The following GPR45 variants were observed in gnomAD, a reference collection of about 807,000 sequenced individuals.
GPR45 encodes probable G protein-coupled receptor 45.
Under a neutral mutation model 5.9 loss-of-function variants are expected in GPR45, and 7 were observed. The observed-to-expected ratio is 1.19, with a 90% CI of 0.68 to 2.23. The LOEUF (loss-of-function observed/expected upper bound fraction) is 2.23. Ranked by LOEUF, GPR45 falls within the 30% of genes most tolerant of loss-of-function variation. The pLI is 0.00. For missense variants in GPR45, 440 were observed against 496.9 expected, an observed-to-expected ratio of 0.89 and a Z score of 1.09; for synonymous variants, 220 against 226.3, an observed-to-expected ratio of 0.97 and a Z score of 0.25.
At position 105,241,973 on chromosome 2, in the gene GPR45, A is replaced by G; in HGVS notation, c.115A>G (p.Ile39Val). Residue 39 changes from isoleucine (I) to valine (V), a missense_variant, in exon 1 of 1, where the codon ATA becomes GTA. By Grantham distance (29) the Ile-to-Val change is conservative (BLOSUM62 3). Coordinates refer to ENST00000258456, the MANE Select transcript of GPR45 (RefSeq NM_007227.3). ...LPAPLRISLA[I>V]VMLLMTVVGF... is the part of the protein sequence containing the mutation. ...CGCACCCCTCAGGATCTCCTTGGCC[A>G]TAGTGATGCTGCTGATGACCGTGGT... The G allele has an allele frequency of 6.2e-7, 1 of 1,613,888 alleles. No homozygotes were observed. The highest frequency in any genetic ancestry group is 8.5e-7 in the Non-Finnish European group (1 of 1,179,802).
In GPR45 at chr2:105,242,465, G is replaced by C. The variant is rs560190604; in HGVS notation, c.607G>C (p.Val203Leu). Residue 203 changes from valine (V) to leucine (L), a missense_variant, in exon 1 of 1, where the codon GTG becomes CTG. Coordinates refer to ENST00000258456, the MANE Select transcript of GPR45 (RefSeq NM_007227.3). The surrounding 1 kb of genome is among the most constrained non-coding windows in gnomAD (Gnocchi z 4.8). ...RAYVVTLVVA[V>L]FFAPFGVMLC... is the part of the protein sequence containing the mutation. ...CTACGTGGTCACCTTGGTGGTGGCC[G>C]TGTTCTTCGCGCCCTTTGGCGTCAT... 1.2e-6 allele frequency: 2 copies of C among 1,606,756 alleles called. No individual in the cohort carries two copies. Among genetic ancestry groups the C allele is most frequent in the Middle Eastern group, 1.6e-4 (1 of 6,062 alleles).
Position 105,241,790 on chromosome 2 carries a change from G to A in GPR45, c.-69G>A. 1.3e-6 allele frequency: 2 copies of A among 1,491,914 alleles called. No homozygotes were observed. The highest frequency in any genetic ancestry group is 1.8e-6 in the Non-Finnish European group (2 of 1,114,528). 92.4% of individuals were successfully genotyped at this position (1,491,914 alleles called of 1,614,324 possible). A position where few individuals can be genotyped will look rare whatever the true frequency, so the allele number is the denominator to read the frequency against. ...AAGATGCAGCCAGCAGACAAAGAATGGCAGCCACCCAAGTGCTGAGGGGAG... is the reference window on the plus strand; with the variant it reads ...AAGATGCAGCCAGCAGACAAAGAATAGCAGCCACCCAAGTGCTGAGGGGAG... On this transcript the variant is annotated 5_prime_UTR_variant, in exon 1 of 1. The change abolishes an upstream ATG in the 5' untranslated region. Transcript: ENST00000258456.
chr2:105,242,357 C>G lies in GPR45; in HGVS notation c.499C>G (p.Leu167Val). ...GTCCTTCTGCATCGCGGGGCCCTCGCTCACGGGCTGGACGCTGGTGGAGGT... is the reference window on the plus strand; with the variant it reads ...GTCCTTCTGCATCGCGGGGCCCTCGGTCACGGGCTGGACGCTGGTGGAGGT... ...VLSFCIAGPS[L>V]TGWTLVEVPA... Residue 167 changes from leucine (L) to valine (V), a missense_variant, in exon 1 of 1, where the codon CTC (leucine) becomes GTC (valine). Physicochemically the swap from Leu to Val is conservative, Grantham distance 32. Transcript: ENST00000258456. The surrounding 1 kb of genome is among the most constrained non-coding windows in gnomAD (Gnocchi z 4.8). 1 of 1,613,400 alleles carries G rather than the reference C, an allele frequency of 6.2e-7. No homozygotes were observed. Among genetic ancestry groups the G allele is most frequent in the Non-Finnish European group, 8.5e-7 (1 of 1,179,876 alleles).
Position 105,243,002 on chromosome 2 carries a change from G to T in GPR45, c.*25G>T. 5 of 1,602,824 alleles carry T rather than the reference G, an allele frequency of 3.1e-6. No homozygotes were observed. Among genetic ancestry groups the T allele is most frequent in the Non-Finnish European group, 3.4e-6 (4 of 1,173,144 alleles). ...GGGGGTCAGGGGGCCACAGAGAAGG[G>T]GCAGCTGAGCCCCAGTCCCAGGGTG... On this transcript the variant is annotated 3_prime_UTR_variant, in exon 1 of 1. Coordinates refer to ENST00000258456, the MANE Select transcript of GPR45 (RefSeq NM_007227.3).
Position 105,242,155 on chromosome 2 carries a change from C to T in GPR45, c.297C>T (p.Arg99=). Residue 99 remains arginine (R), a synonymous_variant, in exon 1 of 1, where the codon CGC becomes CGT. Transcript: ENST00000258456. This position sits in a 1 kb window ranked among gnomAD's most constrained non-coding sequence, Gnocchi z 4.8. ...PFTAVTLITV[R]WHFGDHFCRL... ...CCGCCGTCACCCTCATCACCGTGCGCTGGCACTTTGGGGACCACTTCTGCC... is the reference window on the plus strand; with the variant it reads ...CCGCCGTCACCCTCATCACCGTGCGTTGGCACTTTGGGGACCACTTCTGCC... 12 of 1,614,190 alleles carry T rather than the reference C, an allele frequency of 7.4e-6. No homozygotes were observed. The highest frequency in any genetic ancestry group is 1.0e-5 in the Non-Finnish European group (12 of 1,180,054).
chr2:105,242,894 C>T lies in GPR45; in HGVS notation c.1036C>T (p.Leu346Phe). 6.2e-7 allele frequency: 1 copy of T among 1,614,206 alleles called. No individual in the cohort carries two copies. Among genetic ancestry groups the T allele is most frequent in the South Asian group, 1.1e-5 (1 of 91,082 alleles). ...IELLPQTFQI[L>F]PKVPERIRRR... ...GTTGCTGCCCCAGACCTTCCAAATCCTCCCCAAAGTGCCTGAGCGGATCCG... is the reference window on the plus strand; with the variant it reads ...GTTGCTGCCCCAGACCTTCCAAATCTTCCCCAAAGTGCCTGAGCGGATCCG... Residue 346 changes from leucine to phenylalanine, a missense_variant, in exon 1 of 1, where the codon CTC (leucine) becomes TTC (phenylalanine). By Grantham distance (22) the Leu-to-Phe change is conservative. Coordinates refer to ENST00000258456, the MANE Select transcript of GPR45 (RefSeq NM_007227.3). The surrounding 1 kb of genome is among the most constrained non-coding windows in gnomAD (Gnocchi z 4.8).
In GPR45 at chr2:105,242,363, G is replaced by A; in HGVS notation, c.505G>A (p.Gly169Ser). 6.2e-7 allele frequency: 1 copy of A among 1,613,232 alleles called. No homozygotes were observed. Residue 169 changes from glycine (G) to serine (S), a missense_variant, in exon 1 of 1, where the codon GGC (glycine) becomes AGC (serine). Transcript: ENST00000258456. This position sits in a 1 kb window ranked among gnomAD's most constrained non-coding sequence, Gnocchi z 4.8. Reference sequence around the variant, plus strand: ...CTGCATCGCGGGGCCCTCGCTCACGGGCTGGACGCTGGTGGAGGTGCCGGC... The same window carrying A: ...CTGCATCGCGGGGCCCTCGCTCACGAGCTGGACGCTGGTGGAGGTGCCGGC... The part of the protein sequence containing the change: ...SFCIAGPSLT[G>S]WTLVEVPARA...
In GPR45 at chr2:105,243,413, T is replaced by C. The variant is rs909461048; in HGVS notation, c.*436T>C. 2.0e-5 allele frequency among the ~76,000 whole-genome samples: 3 copies of C among 152,112 alleles called. No individual in the cohort carries two copies. The highest frequency in any genetic ancestry group is 7.2e-5 in the African/African-American group (3 of 41,416). The stretch of plus-strand genomic sequence containing the variant: ...ACCCCAGTAGGTGTGAGCTCCTGGG[T>C]GTTCATTCATTTTGTTTGACACCAG... On this transcript the variant is annotated 3_prime_UTR_variant, in exon 1 of 1. Coordinates refer to ENST00000258456, the MANE Select transcript of GPR45 (RefSeq NM_007227.3).
chr2:105,242,511 T>C lies in GPR45; in HGVS notation c.653T>C (p.Ile218Thr), dbSNP rs1231098574. 1.9e-6 allele frequency: 3 copies of C among 1,605,706 alleles called. No individual in the cohort carries two copies. The highest frequency in any genetic ancestry group is 2.5e-6 in the Non-Finnish European group (3 of 1,179,864). Residue 218 changes from isoleucine (I) to threonine (T), a missense_variant, in exon 1 of 1, where the codon ATC becomes ACC. Coordinates refer to ENST00000258456, the MANE Select transcript of GPR45 (RefSeq NM_007227.3). This position sits in a 1 kb window ranked among gnomAD's most constrained non-coding sequence, Gnocchi z 4.8. ...GTCATGCTGTGCGCCTACATGTGCA[T>C]CCTCAACACGGTCCGCAAGAACGCC... is the stretch of plus-strand genomic sequence containing the variant. ...FGVMLCAYMCILNTVRKNAVR... is the reference protein window; with the variant it reads ...FGVMLCAYMCTLNTVRKNAVR...
rs770051507 is a variant in GPR45, at chr2:105,242,134, C to T, written c.276C>T (p.Ala92=). Residue 92 remains alanine (A), a synonymous_variant, in exon 1 of 1, where the codon GCC becomes GCT. Coordinates refer to ENST00000258456, the MANE Select transcript of GPR45 (RefSeq NM_007227.3). This position sits in a 1 kb window ranked among gnomAD's most constrained non-coding sequence, Gnocchi z 4.8. ...CCCTCTGCTGCATGCCCTTCACCGC[C>T]GTCACCCTCATCACCGTGCGCTGGC... is the stretch of plus-strand genomic sequence containing the variant. The part of the protein sequence containing the change: ...MLSLCCMPFT[A]VTLITVRWHF... 1 of 1,614,190 alleles carries T rather than the reference C, an allele frequency of 6.2e-7. No individual in the cohort carries two copies. The highest frequency in any genetic ancestry group is 8.5e-7 in the Non-Finnish European group (1 of 1,180,050).
chr2:105,242,752 C>G lies in GPR45; in HGVS notation c.894C>G (p.Cys298Trp), dbSNP rs375629461. ...LLSVFSQRFY[C>W]GSSFYATSTC... Reference sequence around the variant, plus strand: ...CTGTGTTTAGCCAGCGCTTTTACTGCGGTTCCTCCTTCTACGCCACCAGCA... The same window carrying G: ...CTGTGTTTAGCCAGCGCTTTTACTGGGGTTCCTCCTTCTACGCCACCAGCA... Residue 298 changes from cysteine to tryptophan, a missense_variant, in exon 1 of 1, where the codon TGC becomes TGG. Physicochemically the swap from Cys to Trp is radical, Grantham distance 215. Coordinates refer to ENST00000258456, the MANE Select transcript of GPR45 (RefSeq NM_007227.3). The surrounding 1 kb of genome is among the most constrained non-coding windows in gnomAD (Gnocchi z 4.8). The G allele has an allele frequency of 6.2e-7, 1 of 1,613,944 alleles. No homozygotes were observed. The highest frequency in any genetic ancestry group is 1.3e-5 in the African/African-American group (1 of 74,944).
Position 105,241,795 on chromosome 2 carries a change from C to T in GPR45, c.-64C>T. On this transcript the variant is annotated 5_prime_UTR_variant, in exon 1 of 1. Transcript: ENST00000258456. ...GCAGCCAGCAGACAAAGAATGGCAG[C>T]CACCCAAGTGCTGAGGGGAGCCCTC... 1 of 1,499,440 alleles carries T rather than the reference C, an allele frequency of 6.7e-7. No individual in the cohort carries two copies. 92.9% of individuals were successfully genotyped at this position (1,499,440 alleles called of 1,614,324 possible).
chr2:105,242,929 C>A lies in GPR45; in HGVS notation c.1071C>A (p.Ile357=). 4 of 1,614,228 alleles carry A rather than the reference C, an allele frequency of 2.5e-6. No homozygotes were observed. The highest frequency in any genetic ancestry group is 3.4e-6 in the Non-Finnish European group (4 of 1,180,054). ...TGCCTGAGCGGATCCGAAGGAGAAT[C>A]CAGCCAAGCACAGTCTACGTGTGCA... ...PKVPERIRRR[I]QPSTVYVCNE... Residue 357 remains isoleucine (I), a synonymous_variant, in exon 1 of 1, where the codon ATC becomes ATA. Transcript: ENST00000258456. The surrounding 1 kb of genome is among the most constrained non-coding windows in gnomAD (Gnocchi z 4.8).
In GPR45 at chr2:105,242,863, C is replaced by A; in HGVS notation, c.1005C>A (p.Cys335Ter). ...CWRIKKFREA[C>*]IELLPQTFQI... ...GAATCAAAAAATTCCGCGAGGCCTG[C>A]ATAGAGTTGCTGCCCCAGACCTTCC... The change falls in exon 1 of 1, where the codon TGC (cysteine) becomes TGA (stop). Residue 335 changes from cysteine to a stop codon, truncating the protein, a stop_gained. Coordinates refer to ENST00000258456, the MANE Select transcript of GPR45 (RefSeq NM_007227.3). LOFTEE classifies it high-confidence loss of function. The surrounding 1 kb of genome is among the most constrained non-coding windows in gnomAD (Gnocchi z 4.8). 1 of 1,614,216 alleles carries A rather than the reference C, an allele frequency of 6.2e-7. No homozygotes were observed. Among genetic ancestry groups the A allele is most frequent in the Non-Finnish European group, 8.5e-7 (1 of 1,180,022 alleles).
Position 105,242,942 on chromosome 2 carries a change from G to A in GPR45, c.1084G>A (p.Val362Ile). The change falls in exon 1 of 1, where the codon GTC becomes ATC. Residue 362 changes from valine to isoleucine, a missense_variant. By Grantham distance (29) the Val-to-Ile change is conservative. Transcript: ENST00000258456. This position sits in a 1 kb window ranked among gnomAD's most constrained non-coding sequence, Gnocchi z 4.8. ...RIRRRIQPST[V>I]YVCNENQSAV ...CCGAAGGAGAATCCAGCCAAGCACA[G>A]TCTACGTGTGCAATGAAAACCAGTC... 6.2e-7 allele frequency: 1 copy of A among 1,614,204 alleles called. No homozygotes were observed. Among genetic ancestry groups the A allele is most frequent in the South Asian group, 1.1e-5 (1 of 91,076 alleles).
At position 105,242,534 on chromosome 2, in the gene GPR45, G is replaced by A. The variant is rs773946510; in HGVS notation, c.676G>A (p.Ala226Thr). 1.2e-6 allele frequency: 2 copies of A among 1,607,080 alleles called. No homozygotes were observed. The highest frequency in any genetic ancestry group is 2.2e-5 in the South Asian group (2 of 91,084). ...CATCCTCAACACGGTCCGCAAGAAC[G>A]CCGTGCGCGTGCACAACCAGTCGGA... ...MCILNTVRKN[A>T]VRVHNQSDSL... The change falls in exon 1 of 1, where the codon GCC becomes ACC. Residue 226 changes from alanine to threonine, a missense_variant. Coordinates refer to ENST00000258456, the MANE Select transcript of GPR45 (RefSeq NM_007227.3). The surrounding 1 kb of genome is among the most constrained non-coding windows in gnomAD (Gnocchi z 4.8).
rs1281720099 is a variant in GPR45 at position 105,242,922 on chromosome 2, G to A, written c.1064G>A (p.Arg355Lys). Residue 355 changes from arginine to lysine, a missense_variant, in exon 1 of 1, where the codon AGG becomes AAG. Physicochemically the swap from Arg to Lys is conservative, Grantham distance 26. Transcript: ENST00000258456. This position sits in a 1 kb window ranked among gnomAD's most constrained non-coding sequence, Gnocchi z 4.8. ...CCCAAAGTGCCTGAGCGGATCCGAA[G>A]GAGAATCCAGCCAAGCACAGTCTAC... The part of the protein sequence containing the change: ...ILPKVPERIR[R>K]RIQPSTVYVC... 2 of 1,614,222 alleles carry A rather than the reference G, an allele frequency of 1.2e-6. No homozygotes were observed. The highest frequency in any genetic ancestry group is 2.2e-5 in the South Asian group (2 of 91,092).
At position 105,242,778 on chromosome 2, in the gene GPR45, C is replaced by T; in HGVS notation, c.920C>T (p.Thr307Ile). The T allele has an allele frequency of 6.2e-7, 1 of 1,614,246 alleles. No individual in the cohort carries two copies. Among genetic ancestry groups the T allele is most frequent in the East Asian group, 2.2e-5 (1 of 44,874 alleles). The change falls in exon 1 of 1, where the codon ACC becomes ATC. Residue 307 changes from threonine (T) to isoleucine (I), a missense_variant. Transcript: ENST00000258456. The surrounding 1 kb of genome is among the most constrained non-coding windows in gnomAD (Gnocchi z 4.8). The stretch of plus-strand genomic sequence containing the variant: ...GGTTCCTCCTTCTACGCCACCAGCA[C>T]CTGCGTCCTGTGGCTCAGTTACCTC... ...YCGSSFYATSTCVLWLSYLKS... is the reference protein window; with the variant it reads ...YCGSSFYATSICVLWLSYLKS...
Position 105,241,988 on chromosome 2 carries a change from A to T in GPR45, c.130A>T (p.Met44Leu), listed in dbSNP as rs1676361272. The T allele has an allele frequency of 6.2e-7, 1 of 1,613,678 alleles. No individual in the cohort carries two copies. The highest frequency in any genetic ancestry group is 1.3e-5 in the African/African-American group (1 of 74,906). Residue 44 changes from methionine (M) to leucine (L), a missense_variant, in exon 1 of 1, where the codon ATG becomes TTG. Transcript: ENST00000258456. ...RISLAIVMLL[M>L]TVVGFLGNTV... Reference sequence around the variant, plus strand: ...CTCCTTGGCCATAGTGATGCTGCTGATGACCGTGGTGGGGTTCCTGGGCAA... The same window carrying T: ...CTCCTTGGCCATAGTGATGCTGCTGTTGACCGTGGTGGGGTTCCTGGGCAA...
Sources: allele counts gnomAD v4.1 joint callset (sites outside exome capture counted in the v4.1 genomes callset), GRCh38; gene constraint gnomAD v4.1.1; non-coding constraint Gnocchi (gnomAD v3.1); transcripts MANE v1.5; gene names NCBI Gene and HGNC (gene_info 2026-07-23, HGNC 2026-07-21).